CENPM: variants seen among roughly 807,000 people sequenced by gnomAD.
The protein encoded by CENPM is interphase centromere complex protein 39.
CENPM carries 14 observed loss-of-function variants against 19.6 expected under a neutral mutation model. The ratio of observed to expected loss-of-function variants is 0.71; its 90% confidence interval spans 0.47 to 1.11. CENPM has a LOEUF of 1.11. Ranked by LOEUF, CENPM falls within the 50% of genes most tolerant of loss-of-function variation. CENPM has a pLI of 0.00. For missense variants in CENPM, 239 were observed against 228.4 expected (o/e 1.05, Z -0.30); for synonymous variants, 114 against 101.5 (o/e 1.12, Z -0.74).
Position 41,938,950 on chromosome 22 carries a change from G to A in CENPM, c.*106C>T, listed in dbSNP as rs984614631. On this transcript the variant is annotated 3_prime_UTR_variant, in exon 6 of 6. Transcript: ENST00000215980. ...TGCAGGGAACCTTCCCAGCCACGGC[G>A]GGCTGAGCCTGGGCCTGTCAAGCCC... 15 of 1,435,816 alleles carry A rather than the reference G, an allele frequency of 1.0e-5. No homozygotes were observed. The highest frequency in any genetic ancestry group is 4.6e-4 in the Middle Eastern group (2 of 4,356). The allele number at this position is 1,435,816 out of a possible 1,614,324, so 88.9% of individuals were successfully genotyped here. A position where few individuals can be genotyped will look rare whatever the true frequency, so the allele number is the denominator to read the frequency against.
downstream of CENPM, among the ~76,000 whole-genome samples, chr22:41,934,722 A>T (rs1377112345): frequency 6.6e-6 from 1 of 152,238 alleles, no homozygotes; most frequent in Non-Finnish European, 1.5e-5. Flanking sequence ...CTAGCTAGGA[A>T]GAAAGGCATC....
downstream of CENPM, among the ~76,000 whole-genome samples, chr22:41,936,969 T>C (rs1602382124): frequency 6.7e-6 from 1 of 150,302 alleles, no homozygotes; most frequent in Non-Finnish European, 1.5e-5. Context: ...GGCCCCGAGG[T>C]GCTGGTGCAG....
At chr22:41,939,856 G>GAAAGAAAGAAAAAGAAAGAA (rs1569425858) in intron 5 of CENPM, among the ~76,000 whole-genome samples, 1 of 27,420 alleles carries the variant, frequency 3.6e-5, no homozygotes, top group Non-Finnish European at 5.8e-5. Flanking sequence ...AAGAAAGAAA[G>GAAAGAAAGAAAAAGAAAGAA]AAAGAAAGAA....
At chr22:41,930,947 G>A in the CENPM span, among the ~76,000 whole-genome samples, 3 of 147,978 alleles carry the variant, frequency 2.0e-5, no homozygotes, top group South Asian at 2.1e-4. Context: ...AGCGATTCTC[G>A]TGCCTCAGCC....
the CENPM span, among the ~76,000 whole-genome samples, chr22:41,932,720 G>A: frequency 5.3e-5 from 8 of 152,246 alleles, no homozygotes; most frequent in Non-Finnish European, 1.2e-4. This position sits in a 1 kb window ranked among gnomAD's most constrained non-coding sequence, Gnocchi z 4.3. Flanking sequence ...GGGGCCAGGT[G>A]TGTGAAGTAG....
chr22:41,930,579 AC>A, the CENPM span, among the ~76,000 whole-genome samples: 1 of 148,516 alleles, frequency 6.7e-6, no homozygotes, highest in Admixed American at 6.7e-5. Flanking sequence ...GATAAGCAAC[AC>A]CCAACTCAGC....
At chr22:41,929,355 C>A in the CENPM span, among the ~76,000 whole-genome samples, 1 of 152,168 alleles carries the variant, frequency 6.6e-6, no homozygotes, top group Non-Finnish European at 1.5e-5. Flanking sequence ...AGCCCTTGTG[C>A]CAGCCATGTG....
chr22:41,930,602 C>A, the CENPM span, among the ~76,000 whole-genome samples: 11 of 151,302 alleles, frequency 7.3e-5, no homozygotes, highest in Non-Finnish European at 1.5e-4. Flanking sequence ...CACTGCAACA[C>A]CCAACTCCCA....
chr22:41,944,268 C>T (rs925332223), intron 4 of CENPM: 4 of 310,744 alleles, frequency 1.3e-5, no homozygotes, highest in African/African-American at 9.1e-5. Context: ...GAAACCCCAT[C>T]TCTACTAAAA....
chr22:41,935,437 G>A (rs968808495), downstream of CENPM, among the ~76,000 whole-genome samples: 33 of 152,236 alleles, frequency 2.2e-4, 1 homozygote, highest in Admixed American at 1.8e-3. Context: ...CAGTTACCCT[G>A]CAAAGACACG....
At chr22:41,946,340 T>G in intron 2 of CENPM, 77 bp downstream of exon 2, 2 of 1,271,254 alleles carry the variant, frequency 1.6e-6, no homozygotes, top group Non-Finnish European at 2.2e-6. Context: ...GCGCTGGGCT[T>G]CGGAGTTTAG....
chr22:41,928,764 CCTGGGGGTGT>C, the CENPM span, among the ~76,000 whole-genome samples: 1 of 151,972 alleles, frequency 6.6e-6, no homozygotes, highest in Non-Finnish European at 1.5e-5. This position sits in a 1 kb window ranked among gnomAD's most constrained non-coding sequence, Gnocchi z 4.0. Flanking sequence ...CAGTACAGAA[CCTGGGGGTGT>C]CTGGGTAGGA....
chr22:41,931,318 A>G, the CENPM span, among the ~76,000 whole-genome samples: 2 of 151,468 alleles, frequency 1.3e-5, no homozygotes, highest in Non-Finnish European at 2.9e-5. Context: ...GAAATTTAAA[A>G]AAAAAAAAAA....
intron 5 of CENPM, 134 bp from the exon 6 acceptor site, chr22:41,939,330 C>T: frequency 1.9e-6 from 2 of 1,027,736 alleles, no homozygotes; most frequent in Middle Eastern, 3.2e-4. Context: ...CTGCCCACCA[C>T]AGCCACGCCC....
At chr22:41,930,162 T>C in the CENPM span, among the ~76,000 whole-genome samples, 8,573 of 151,068 alleles carry the variant, frequency 0.057, 302 homozygotes, top group Non-Finnish European at 0.079. Flanking sequence ...AGGATGGTCT[T>C]GATCTCCTCA....
In CENPM at chr22:41,943,809, T is replaced by C; in HGVS notation, c.311-108A>G. 4.3e-6 allele frequency: 4 copies of C among 938,706 alleles called. No homozygotes were observed. In the East Asian group the frequency reaches 1.1e-4, roughly 25 times the overall value. The allele number at this position is 938,706 out of a possible 1,614,324, so 58.1% of individuals were successfully genotyped here. On this transcript the variant is annotated intron_variant, in intron 4 of 5. Coordinates refer to ENST00000215980, the MANE Select transcript of CENPM (RefSeq NM_024053.5). ...TTCCCCACTCTGGGGCTCAGTTTCT[T>C]TCTAGTCGCGAGGGTGACAGTCCTA...
chr22:41,939,840 AAAAGAAAGAAAG>A (rs1569425800), intron 5 of CENPM, among the ~76,000 whole-genome samples: 1 of 14,030 alleles, frequency 7.1e-5, no homozygotes, highest in African/African-American at 2.2e-4. Context: ...GAAAGAAAGA[AAAAGAAAGAAAG>A]AAAGAAAGAA....
intron 3 of CENPM, chr22:41,945,524 C>G: frequency 1.1e-6 from 1 of 873,180 alleles, no homozygotes; most frequent in Non-Finnish European, 1.7e-6. Context: ...GATCTTGGCT[C>G]ACTGCAACCT....
the CENPM span, among the ~76,000 whole-genome samples, chr22:41,932,822 A>C: frequency 6.6e-6 from 1 of 152,196 alleles, no homozygotes; most frequent in East Asian, 1.9e-4. This position sits in a 1 kb window ranked among gnomAD's most constrained non-coding sequence, Gnocchi z 4.3. Context: ...ACCACGCAGG[A>C]AGGCCCTTGT....
Sources: gnomAD v4.1 joint callset for allele counts (sites outside exome capture counted in the v4.1 genomes callset) on GRCh38, gnomAD v4.1.1 for gene constraint, Gnocchi (gnomAD v3.1) non-coding constraint, MANE v1.5 for transcripts, NCBI Gene and HGNC (gene_info 2026-07-23, HGNC 2026-07-21) for gene names.